FHIT: variants seen among roughly 807,000 people sequenced by gnomAD.
FHIT encodes the protein fragile histidine triad diadenosine triphosphatase.
In FHIT, 19 loss-of-function variants were observed where a neutral mutation model predicts 17.9. The observed-to-expected ratio is 1.06, with a 90% CI of 0.74 to 1.56. The LOEUF (loss-of-function observed/expected upper bound fraction) is 1.56, where lower values mean the gene tolerates loss of function less well. Among genes scored for constraint, FHIT ranks in the 40% most tolerant of loss-of-function variants. FHIT has a pLI of 0.00. For synonymous variants in FHIT, 81 were observed against 69.7 expected (o/e 1.16, Z -0.81); for missense variants, 248 against 189.2 (o/e 1.31, Z -1.82).
intron 4 of FHIT, among the ~76,000 whole-genome samples, chr3:60,569,258 C>T (rs1223478251): frequency 1.3e-5 from 2 of 152,046 alleles, no homozygotes; most frequent in African/African-American, 4.8e-5. Flanking sequence ...AACTTTGATA[C>T]CAGCATTTTC....
At chr3:60,715,247 A>G (rs2041652300) in intron 4 of FHIT, among the ~76,000 whole-genome samples, 1 of 152,284 alleles carries the variant, frequency 6.6e-6, no homozygotes, top group East Asian at 1.9e-4. Context: ...GAAAGCTGAA[A>G]CTGGATCCCT....
intron 5 of FHIT, among the ~76,000 whole-genome samples, chr3:60,186,231 A>C (rs1181641257): frequency 2.0e-5 from 3 of 151,738 alleles, no homozygotes; most frequent in Non-Finnish European, 2.9e-5. Context: ...AAGATCCCAG[A>C]TTTTTTTCTA....
In FHIT at chr3:60,993,121, C is replaced by T. The variant is rs1229441133; in HGVS notation, c.-111+48926G>A. 3.3e-5 allele frequency among the ~76,000 whole-genome samples: 5 copies of T among 152,266 alleles called. No homozygotes were observed. In the East Asian group the frequency reaches 9.7e-4, roughly 29 times the overall value. ...GGTGAACTAGCTAGAAATACATGCTCACTAGAATGGTTCAGAGTTTTTCTG... is the reference window on the plus strand; with the variant it reads ...GGTGAACTAGCTAGAAATACATGCTTACTAGAATGGTTCAGAGTTTTTCTG... On this transcript the variant is annotated intron_variant, in intron 3 of 9. Transcript: ENST00000492590.
intron 3 of FHIT, among the ~76,000 whole-genome samples, chr3:60,842,621 ATATGAGTGTATATATATATATATATT>A (rs1702764795): frequency 1.8e-5 from 2 of 108,996 alleles, no homozygotes; most frequent in African/African-American, 7.8e-5. Context: ...ATACATATAT[ATATGAGTGTATATATATATATATATT>A]TTTTTTTTTT....
At chr3:61,210,669 G>A (rs994713782) in intron 1 of FHIT, among the ~76,000 whole-genome samples, 10 of 152,130 alleles carry the variant, frequency 6.6e-5, no homozygotes, top group South Asian at 2.1e-4. Context: ...GCAGTATTAC[G>A]GTGGGAGTGA....
intron 7 of FHIT, among the ~76,000 whole-genome samples, chr3:59,959,752 T>A (rs1011017767): frequency 3.3e-5 from 5 of 152,164 alleles, no homozygotes; most frequent in African/African-American, 7.2e-5. Context: ...GACATTACTG[T>A]GCAATCACAA....
chr3:60,577,865 C>A (rs1333751646), intron 4 of FHIT, among the ~76,000 whole-genome samples: 1 of 152,118 alleles, frequency 6.6e-6, no homozygotes, highest in Non-Finnish European at 1.5e-5. Flanking sequence ...TTCCCCTTTT[C>A]TAATATTAGC....
chr3:60,044,640 TG>T (rs1460185313), intron 5 of FHIT, among the ~76,000 whole-genome samples: 10 of 152,212 alleles, frequency 6.6e-5, no homozygotes, highest in Admixed American at 1.3e-4. Context: ...AGAGCTCATA[TG>T]ATACAGGATT....
intron 7 of FHIT, among the ~76,000 whole-genome samples, chr3:60,006,099 T>C (rs1368598245): frequency 6.6e-6 from 1 of 152,172 alleles, no homozygotes; most frequent in African/African-American, 2.4e-5. Flanking sequence ...TTCAGGTAAC[T>C]GTGAAGTACT....
At chr3:60,774,786 G>C (rs946093517) in intron 4 of FHIT, among the ~76,000 whole-genome samples, 1 of 152,058 alleles carries the variant, frequency 6.6e-6, no homozygotes, top group African/African-American at 2.4e-5. Context: ...TGTCACTAAC[G>C]GGCAAGCAGC....
At chr3:61,215,840 G>A (rs1471504896) in intron 1 of FHIT, among the ~76,000 whole-genome samples, 8 of 152,174 alleles carry the variant, frequency 5.3e-5, no homozygotes, top group Admixed American at 1.3e-4. Flanking sequence ...AAATAATGCC[G>A]CATATCTGCA....
intron 4 of FHIT, among the ~76,000 whole-genome samples, chr3:60,642,338 A>G (rs1348551548): frequency 2.6e-5 from 4 of 152,240 alleles, no homozygotes; most frequent in African/African-American, 9.6e-5. Context: ...AGCCACAGTT[A>G]GTTAGAAATG....
At chr3:61,075,750 T>C (rs1420294428) in intron 2 of FHIT, among the ~76,000 whole-genome samples, 1 of 152,150 alleles carries the variant, frequency 6.6e-6, no homozygotes, top group African/African-American at 2.4e-5. Flanking sequence ...TGTTCATTTA[T>C]CCATTAAATA....
intron 4 of FHIT, among the ~76,000 whole-genome samples, chr3:60,575,098 G>T (rs926672738): frequency 6.6e-6 from 1 of 151,680 alleles, no homozygotes; most frequent in Non-Finnish European, 1.5e-5. Flanking sequence ...CTTCTGGCAG[G>T]TAAGACAAGG....
At position 60,349,199 on chromosome 3, in the gene FHIT, A is replaced by C. The variant is rs192371495; in HGVS notation, c.103+187661T>G. Among the ~76,000 whole-genome samples the C allele has an allele frequency of 6.3e-4, 96 of 152,308 alleles. 1 individual carries two copies. Among genetic ancestry groups the C allele is most frequent in the African/African-American group, 2.2e-3 (90 of 41,572 alleles). On this transcript the variant is annotated intron_variant, in intron 5 of 9. Transcript: ENST00000492590. Reference sequence around the variant, plus strand: ...TTTTAAAAGAGAAAAGACAAAATTAAATTTGTATGCACAGTCTGAATTTTG... The same window carrying C: ...TTTTAAAAGAGAAAAGACAAAATTACATTTGTATGCACAGTCTGAATTTTG...
chr3:60,346,520 T>C (rs190957803), intron 5 of FHIT, among the ~76,000 whole-genome samples: 19 of 152,296 alleles, frequency 1.2e-4, no homozygotes, highest in Admixed American at 1.2e-3. Context: ...CTCATCTGTG[T>C]GGCCTGGAAT....
At chr3:60,351,849 C>T (rs6789565) in intron 5 of FHIT, among the ~76,000 whole-genome samples, 21,552 of 152,168 alleles carry the variant, frequency 0.14, 1,621 homozygotes, top group Non-Finnish European at 0.16. Flanking sequence ...AAACCATGCC[C>T]TTCCTTCTCA....
chr3:60,709,506 T>C (rs2041461533), intron 4 of FHIT, among the ~76,000 whole-genome samples: 1 of 152,230 alleles, frequency 6.6e-6, no homozygotes, highest in Admixed American at 6.5e-5. Context: ...AAGAAATTTT[T>C]AGTGCTCTGT....
intron 7 of FHIT, among the ~76,000 whole-genome samples, chr3:59,999,026 G>A (rs1230655616): frequency 6.6e-6 from 1 of 152,016 alleles, no homozygotes; most frequent in Non-Finnish European, 1.5e-5. Flanking sequence ...TGCTAATGTG[G>A]CCACAGTAAT....
Sources: gnomAD v4.1 joint callset for allele counts (sites outside exome capture counted in the v4.1 genomes callset) on GRCh38, gnomAD v4.1.1 for gene constraint, MANE v1.5 for transcripts, NCBI Gene and HGNC (gene_info 2026-07-23, HGNC 2026-07-21) for gene names.